Variants in CYTH4 observed in about 807,000 individuals in gnomAD.
CYTH4 encodes cytohesin-4.
In CYTH4, 22 loss-of-function variants were observed where a neutral mutation model predicts 57.5. The ratio of observed to expected loss-of-function variants is 0.38; its 90% CI spans 0.27 to 0.55. CYTH4 has a LOEUF of 0.55. Among genes scored for constraint, CYTH4 ranks in the 20% least tolerant of loss-of-function variants. CYTH4 has a pLI of 0.74. For synonymous variants in CYTH4, 186 were observed against 206.5 expected (o/e 0.90, Z 0.85); for missense variants, 420 against 535.6 (o/e 0.78, Z 2.13).
intron 1 of CYTH4, among the ~76,000 whole-genome samples, chr22:37,284,149 T>C (rs1928467563): frequency 6.6e-6 from 1 of 152,118 alleles, no homozygotes; most frequent in Non-Finnish European, 1.5e-5. Context: ...GAGGGGAGTC[T>C]CTGCTTTGCT....
rs1221452292 is a variant in CYTH4 at position 37,298,648 on chromosome 22, G to A, written c.354-578G>A. Among the ~76,000 whole-genome samples the A allele has an allele frequency of 6.6e-6, 1 of 152,096 alleles. No individual in the cohort carries two copies. The highest frequency in any genetic ancestry group is 1.5e-5 in the Non-Finnish European group (1 of 67,998). ...GAAGGATATTGTGGGCGAGGAGGTG[G>A]GGATCTGTGGGAGCGCTCTGGGCAA... is the stretch of plus-strand genomic sequence containing the variant. On this transcript the variant is annotated intron_variant, in intron 5 of 12. Transcript: ENST00000248901. This position sits in a 1 kb window ranked among gnomAD's most constrained non-coding sequence, Gnocchi z 4.1.
intron 4 of CYTH4, among the ~76,000 whole-genome samples, chr22:37,296,922 A>G (rs1928991811): frequency 6.6e-6 from 1 of 152,182 alleles, no homozygotes; most frequent in African/African-American, 2.4e-5. Flanking sequence ...CAACCCCTCC[A>G]ACTCCTAAAA....
intron 1 of CYTH4, chr22:37,292,173 A>G (rs1386386229): frequency 1.3e-5 from 2 of 158,002 alleles, no homozygotes; most frequent in African/African-American, 4.8e-5. Flanking sequence ...CAAATAAATA[A>G]GTGAATAAAT....
At chr22:37,300,864 G>A (rs747107498) in intron 6 of CYTH4, 43 bp from the exon 7 acceptor site, 11 of 1,560,422 alleles carry the variant, frequency 7.0e-6, no homozygotes, top group Middle Eastern at 1.7e-4. Flanking sequence ...GGGCCCGCGA[G>A]GGCCCACCCA....
At chr22:37,312,265 C>A in intron 12 of CYTH4, 91 bp downstream of exon 12, 2 of 1,510,054 alleles carry the variant, frequency 1.3e-6, no homozygotes, top group South Asian at 1.2e-5. Flanking sequence ...TGTAAAGGGG[C>A]TAACTCCAGT....
Position 37,313,680 on chromosome 22 carries a change from G to A in CYTH4, c.*169G>A. The A allele has an allele frequency of 1.5e-6, 1 of 665,912 alleles. No homozygotes were observed. 41.3% of individuals were successfully genotyped at this position (665,912 alleles called of 1,614,324 possible). On this transcript the variant is annotated 3_prime_UTR_variant, in exon 13 of 13. Transcript: ENST00000248901. ...GGGAAGGCAGAGCTCAGGAGGGTGG[G>A]TGGGAGCTGCAGTGGGCTCAGAGTC...
chr22:37,296,006 G>A lies in CYTH4; in HGVS notation c.175G>A (p.Ala59Thr), dbSNP rs769340898. Residue 59 changes from alanine to threonine, a missense_variant, in exon 4 of 13, where the codon GCC becomes ACC. Physicochemically the swap from Ala to Thr is moderately conservative, Grantham distance 58. Transcript: ENST00000248901. ...ACGTCCTCATGTCCACAGCCGGATG[G>A]CCCAGAAGGAGAAGGAGCTGTGTAT... ...CFESAEESRM[A>T]QKEKELCIGR... 11 of 1,612,864 alleles carry A rather than the reference G, an allele frequency of 6.8e-6. No homozygotes were observed. The South Asian group carries it at 1.1e-4, about 16-fold the overall frequency.
chr22:37,294,164 G>C (rs1030060565), intron 2 of CYTH4, among the ~76,000 whole-genome samples: 1 of 141,724 alleles, frequency 7.1e-6, no homozygotes, highest in African/African-American at 2.6e-5. Flanking sequence ...GGGTGGAGGC[G>C]GGCAGGGTGG....
intron 5 of CYTH4, 70 bp from the exon 6 acceptor site, chr22:37,299,156 C>T (rs1377789082): frequency 8.4e-7 from 1 of 1,191,294 alleles, no homozygotes; most frequent in South Asian, 1.3e-5. Flanking sequence ...CCCACCTCAA[C>T]CCCCTCCAGG....
intron 4 of CYTH4, chr22:37,296,425 T>C: frequency 4.0e-6 from 1 of 251,498 alleles, no homozygotes; most frequent in Non-Finnish European, 7.8e-6. Context: ...CTTCCAGCCC[T>C]GGGCTCAGGG....
intron 5 of CYTH4, 78 bp downstream of exon 5, chr22:37,297,760 G>C: frequency 2.4e-6 from 3 of 1,258,778 alleles, no homozygotes; most frequent in Non-Finnish European, 3.5e-6. Flanking sequence ...GTGCAGGTGA[G>C]AGGATGAATT....
intron 8 of CYTH4, among the ~76,000 whole-genome samples, chr22:37,306,174 C>A (rs971806793): frequency 2.6e-5 from 4 of 152,192 alleles, no homozygotes; most frequent in African/African-American, 9.6e-5. Flanking sequence ...ACCACCCACC[C>A]TGAGGGCTGT....
At chr22:37,297,816 C>A in intron 5 of CYTH4, 134 bp downstream of exon 5, 1 of 694,670 alleles carries the variant, frequency 1.4e-6, no homozygotes. Flanking sequence ...GCTCACGGAT[C>A]ATCCCCTCCA....
chr22:37,291,507 CAGG>C (rs1172223765), intron 1 of CYTH4, among the ~76,000 whole-genome samples: 8 of 152,318 alleles, frequency 5.3e-5, no homozygotes, highest in Middle Eastern at 3.4e-3. Context: ...GGCAGGCAGA[CAGG>C]AGAAGGCATC....
In CYTH4 at chr22:37,296,023, G is replaced by A; in HGVS notation, c.192G>A (p.Glu64=). 5 of 1,613,484 alleles carry A rather than the reference G, an allele frequency of 3.1e-6. No homozygotes were observed. Among genetic ancestry groups the A allele is most frequent in the Non-Finnish European group, 4.2e-6 (5 of 1,179,676 alleles). Residue 64 remains glutamate (E), a synonymous_variant, in exon 4 of 13, where the codon GAG becomes GAA. Transcript: ENST00000248901. ...EESRMAQKEK[E]LCIGRKKFNM... Reference sequence around the variant, plus strand: ...GCCGGATGGCCCAGAAGGAGAAGGAGCTGTGTATTGGGCGCAAGAAGTTCA... The same window carrying A: ...GCCGGATGGCCCAGAAGGAGAAGGAACTGTGTATTGGGCGCAAGAAGTTCA...
At chr22:37,286,527 C>T (rs1928567201) in intron 1 of CYTH4, among the ~76,000 whole-genome samples, 1 of 152,074 alleles carries the variant, frequency 6.6e-6, no homozygotes, top group African/African-American at 2.4e-5. Context: ...ATGCAGATCC[C>T]AGAAACGCTG....
chr22:37,312,216 C>T, intron 12 of CYTH4, 42 bp downstream of exon 12: 1 of 1,601,960 alleles, frequency 6.2e-7, no homozygotes, highest in Non-Finnish European at 8.5e-7. Context: ...CCGTCACCTT[C>T]CAGAAGGCCC....
Position 37,311,690 on chromosome 22 carries a change from G to A in CYTH4, c.957+163G>A, listed in dbSNP as rs532357085. On this transcript the variant is annotated intron_variant, in intron 11 of 12. Coordinates refer to ENST00000248901, the MANE Select transcript of CYTH4 (RefSeq NM_013385.5). The surrounding 1 kb of genome is among the most constrained non-coding windows in gnomAD (Gnocchi z 4.4). Reference sequence around the variant, plus strand: ...GCCTTCTCTCCCTCCTGGGGCCATGGACAGTGAGAAAAGGTCAATGTGGGT... The same window carrying A: ...GCCTTCTCTCCCTCCTGGGGCCATGAACAGTGAGAAAAGGTCAATGTGGGT... 8.3e-5 allele frequency: 61 copies of A among 737,520 alleles called. No homozygotes were observed. The highest frequency in any genetic ancestry group is 6.4e-4 in the Middle Eastern group (2 of 3,146). The allele number at this position is 737,520 out of a possible 1,614,324, so 45.7% of individuals were successfully genotyped here.
chr22:37,284,056 C>G (rs1403848791), intron 1 of CYTH4, among the ~76,000 whole-genome samples: 1 of 152,188 alleles, frequency 6.6e-6, no homozygotes, highest in Non-Finnish European at 1.5e-5. Flanking sequence ...TGCTTGAGGT[C>G]ACACGGCCAG....
Sources: gnomAD v4.1 joint callset for allele counts (sites outside exome capture counted in the v4.1 genomes callset) on GRCh38, gnomAD v4.1.1 for gene constraint, Gnocchi (gnomAD v3.1) non-coding constraint, MANE v1.5 for transcripts, NCBI Gene and HGNC (gene_info 2026-07-23, HGNC 2026-07-21) for gene names.